AAMDC: variants seen among roughly 807,000 people sequenced by gnomAD.
The protein encoded by AAMDC is mth938 domain-containing protein.
Under a neutral mutation model 15.5 loss-of-function variants are expected in AAMDC, and 16 were observed. The observed-to-expected ratio is 1.03, with a 90% CI of 0.70 to 1.57. The LOEUF (loss-of-function observed/expected upper bound fraction) is 1.57. Ranked by LOEUF, AAMDC falls within the 40% of genes most tolerant of loss-of-function variation. The probability of loss-of-function intolerance (pLI) is 0.00; values close to 1 mark genes in which losing one functional copy is unlikely to be tolerated. For missense variants in AAMDC, 141 were observed against 144.9 expected (o/e 0.97, Z 0.14); for synonymous variants, 51 against 51.6 (o/e 0.99, Z 0.05).
At chr11:77,853,005 A>G (rs1409304866) in intron 2 of AAMDC, among the ~76,000 whole-genome samples, 1 of 152,170 alleles carries the variant, frequency 6.6e-6, no homozygotes, top group Non-Finnish European at 1.5e-5. Context: ...TTGAATAACC[A>G]TGTACATTTT....
At chr11:77,854,214 G>A (rs990965740) in intron 2 of AAMDC, among the ~76,000 whole-genome samples, 1 of 151,882 alleles carries the variant, frequency 6.6e-6, no homozygotes, top group Non-Finnish European at 1.5e-5. Context: ...GGATTGGCTC[G>A]ATCTCCTGAC....
At chr11:77,898,711 T>C (rs1327008536) in intron 5 of AAMDC, among the ~76,000 whole-genome samples, 1 of 152,184 alleles carries the variant, frequency 6.6e-6, no homozygotes, top group Non-Finnish European at 1.5e-5. Context: ...ACAGACACTA[T>C]TTTAAAGGCT....
intron 5 of AAMDC, chr11:77,883,812 C>T (rs766558458): frequency 3.7e-6 from 6 of 1,611,522 alleles, no homozygotes; most frequent in Non-Finnish European, 5.1e-6. Context: ...TCCCTTCCCA[C>T]CCTGGTCCTG....
chr11:77,831,098 T>A (rs1007153035), intron 1 of AAMDC, among the ~76,000 whole-genome samples: 2 of 151,120 alleles, frequency 1.3e-5, no homozygotes, highest in African/African-American at 2.4e-5. Flanking sequence ...TGAGCTGTAA[T>A]CATGTCACAG....
chr11:77,895,776 A>C (rs1952490994), intron 5 of AAMDC, among the ~76,000 whole-genome samples: 1 of 152,076 alleles, frequency 6.6e-6, no homozygotes, highest in African/African-American at 2.4e-5. Flanking sequence ...CCAGGAAGTA[A>C]AATACAAAAA....
downstream of AAMDC, chr11:77,872,428 C>A: frequency 7.6e-7 from 1 of 1,309,200 alleles, no homozygotes; most frequent in Non-Finnish European, 1.0e-6. Context: ...ATGCCAGGTC[C>A]TGTGCTAGGC....
rs1209778194 is a variant in AAMDC, at chr11:77,823,945, GTTTTC to G, written c.-19+2711_-19+2715del. On this transcript the variant is annotated intron_variant, in intron 1 of 3. Coordinates refer to ENST00000393427, the MANE Select transcript of AAMDC (RefSeq NM_024684.4). ...AAAAAAAAAAAGCTTTATTACTATA[GTTTTC>G]TTTTCTCACTGCTCACACTGTTAGT... Among the ~76,000 whole-genome samples, 8 of 151,496 alleles carry G rather than the reference GTTTTC, an allele frequency of 5.3e-5. No homozygotes were observed. The East Asian group carries it at 1.4e-3, about 26-fold the overall frequency.
chr11:77,896,391 C>G (rs111378364), intron 5 of AAMDC, among the ~76,000 whole-genome samples: 58,312 of 152,028 alleles, frequency 0.38, 11,603 homozygotes, highest in African/African-American at 0.48. Flanking sequence ...GTGGCTCACG[C>G]CTGTAATTCC....
chr11:77,868,745 G>A (rs191083719), intron 2 of AAMDC: 74 of 232,258 alleles, frequency 3.2e-4, no homozygotes, highest in African/African-American at 1.6e-3. Context: ...ATAGGCTCCA[G>A]CAACTCAGGC....
chr11:77,898,122 GTTA>G lies in AAMDC; in HGVS notation c.329-2440_329-2438del, dbSNP rs531013655. Among the ~76,000 whole-genome samples the G allele has an allele frequency of 1.8e-3, 269 of 152,114 alleles. 1 individual carries two copies. Among genetic ancestry groups the G allele is most frequent in the African/African-American group, 6.4e-3 (266 of 41,496 alleles). On this transcript the variant is annotated intron_variant, in intron 5 of 5. Transcript: ENST00000304716. ...TGAGCCACTGCATCTACCCCAAATT[GTTA>G]TTATTATTTTTTGCTCAGTAAGAGG...
intron 2 of AAMDC, among the ~76,000 whole-genome samples, chr11:77,854,325 C>T (rs1050800676): frequency 1.3e-5 from 2 of 152,130 alleles, no homozygotes; most frequent in Non-Finnish European, 2.9e-5. Flanking sequence ...CCAGCATTAA[C>T]TGAAAAGTCC....
intron 2 of AAMDC, among the ~76,000 whole-genome samples, chr11:77,845,351 T>C (rs1950099560): frequency 6.6e-6 from 1 of 152,170 alleles, no homozygotes; most frequent in Admixed American, 6.6e-5. Context: ...TTTTGTTGAT[T>C]CTTATCTGCT....
At chr11:77,825,996 C>CT (rs1565194643) in intron 1 of AAMDC, among the ~76,000 whole-genome samples, 1 of 152,056 alleles carries the variant, frequency 6.6e-6, no homozygotes, top group South Asian at 2.1e-4. Flanking sequence ...TACTACCCAT[C>CT]TTTTTTTGAG....
downstream of AAMDC, among the ~76,000 whole-genome samples, chr11:77,872,695 C>T (rs1379425519): frequency 6.6e-6 from 1 of 152,188 alleles, no homozygotes; most frequent in Non-Finnish European, 1.5e-5. Context: ...CGCCTGTAAT[C>T]CCAACACTTT....
At chr11:77,838,649 C>T (rs1359186948) in intron 1 of AAMDC, among the ~76,000 whole-genome samples, 1 of 142,200 alleles carries the variant, frequency 7.0e-6, no homozygotes, top group African/African-American at 2.6e-5. Flanking sequence ...CAGAGTCTCG[C>T]TCTTTTGCCC....
intron 1 of AAMDC, among the ~76,000 whole-genome samples, chr11:77,825,252 G>C (rs1046824493): frequency 6.6e-6 from 1 of 151,924 alleles, no homozygotes; most frequent in Non-Finnish European, 1.5e-5. Flanking sequence ...AAAGTGCTGG[G>C]ATTACAGGCA....
At chr11:77,857,319 C>G (rs189549077) in intron 2 of AAMDC, among the ~76,000 whole-genome samples, 345 of 152,142 alleles carry the variant, frequency 2.3e-3, no homozygotes, top group African/African-American at 7.9e-3. Flanking sequence ...GAGAAGTTTC[C>G]CAGGTAAACA....
At chr11:77,841,345 A>G in intron 1 of AAMDC, 1 of 629,528 alleles carries the variant, frequency 1.6e-6, no homozygotes, top group East Asian at 2.7e-5. Flanking sequence ...ATATGTGTCT[A>G]CTTTAGTCTC....
At chr11:77,850,666 T>C (rs1184584768) in intron 2 of AAMDC, 4 of 152,130 alleles carry the variant, frequency 2.6e-5, no homozygotes, top group Non-Finnish European at 5.9e-5. Flanking sequence ...ACCTACAGAA[T>C]AGTTATGTGA....
Sources: allele counts gnomAD v4.1 joint callset (sites outside exome capture counted in the v4.1 genomes callset), GRCh38; gene constraint gnomAD v4.1.1; transcripts MANE v1.5; gene names NCBI Gene and HGNC (gene_info 2026-07-23, HGNC 2026-07-21).